COL11A1: variants seen among roughly 807,000 people sequenced by gnomAD.
COL11A1 encodes collagen alpha-1(XI) chain.
Under a neutral mutation model 265.2 loss-of-function variants are expected in COL11A1, and 74 were observed. The ratio of observed to expected loss-of-function variants is 0.28; its 90% CI spans 0.23 to 0.34. COL11A1 has a LOEUF of 0.34. Among genes scored for constraint, COL11A1 ranks in the 10% least tolerant of loss-of-function variants. The pLI is 1.00. For missense variants in COL11A1, 2,165 were observed against 2,263.6 expected (o/e 0.96, Z 0.88); for synonymous variants, 816 against 727.6 (o/e 1.12, Z -1.96).
chr1:103,065,544 A>G lies in COL11A1; in HGVS notation c.651+9074T>C, dbSNP rs1345300693. 1.3e-3 allele frequency among the ~76,000 whole-genome samples: 153 copies of G among 116,548 alleles called. 4 individuals are homozygous for G. In the East Asian group the frequency reaches 0.034, roughly 26 times the overall value. The allele number at this position is 116,548 out of a possible 152,430, so 76.5% of individuals were successfully genotyped here. ...TCTCAAAAAAAAAAAAAAAAAAAAA[A>G]AAAGAAAGCAAACAAACAAACAAAC... On this transcript the variant is annotated intron_variant, in intron 4 of 66. Transcript: ENST00000370096.
At chr1:102,923,312 C>G in intron 47 of COL11A1, 24 bp downstream of exon 47, 1 of 1,595,524 alleles carries the variant, frequency 6.3e-7, no homozygotes, top group Non-Finnish European at 8.6e-7. Context: ...ACATACCCAT[C>G]AAACACCAAA....
At position 102,974,846 on chromosome 1, in the gene COL11A1, C is replaced by T. The variant is rs1557891760; in HGVS notation, c.2792G>A (p.Gly931Glu). 6.2e-7 allele frequency: 1 copy of T among 1,613,474 alleles called. No homozygotes were observed. The highest frequency in any genetic ancestry group is 8.5e-7 in the Non-Finnish European group (1 of 1,179,624). Residue 931 changes from glycine (G) to glutamate (E), a missense_variant, in exon 36 of 67, where the codon GGA becomes GAA. Physicochemically the swap from Gly to Glu is moderately conservative, Grantham distance 98 (BLOSUM62 -2). Transcript: ENST00000370096. ...QGPQGPVGFP[G>E]PKGPPGPPGK... is the part of the protein sequence containing the mutation. ...GACACTTACAGGAGGGCCTTTTGGT[C>T]CAGGGAATCCAACTGGACCCTGAGG...
At chr1:102,935,201 A>C in intron 44 of COL11A1, 88 bp from the exon 45 acceptor site, 61 of 1,048,578 alleles carry the variant, frequency 5.8e-5, no homozygotes, top group Non-Finnish European at 7.6e-5. Context: ...TACCAAGATC[A>C]AACACTTCTG....
chr1:102,947,477 T>C (rs1659419823), intron 41 of COL11A1, among the ~76,000 whole-genome samples: 2 of 152,140 alleles, frequency 1.3e-5, no homozygotes, highest in African/African-American at 4.8e-5. Flanking sequence ...CAAAATAACA[T>C]TTGATAATCA....
chr1:103,024,642 C>A (rs1416829680), intron 7 of COL11A1, among the ~76,000 whole-genome samples: 1 of 151,800 alleles, frequency 6.6e-6, no homozygotes, highest in African/African-American at 2.4e-5. Context: ...GGTAAATGGA[C>A]ATCTTGAATC....
Position 102,928,694 on chromosome 1 carries a change from A to G in COL11A1, c.3601-5305T>C, listed in dbSNP as rs1656963154. ...CACTGACTTCGACAATGGTTGAACT[A>G]GTGTACAGTCCCACCAACAGTGTAA... On this transcript the variant is annotated intron_variant, in intron 46 of 66. Transcript: ENST00000370096. Among the ~76,000 whole-genome samples the G allele has an allele frequency of 2.0e-5, 3 of 148,116 alleles. No individual in the cohort carries two copies. In the East Asian group the frequency reaches 6.1e-4, roughly 30 times the overall value.
At chr1:103,050,014 T>A (rs1376036816) in intron 4 of COL11A1, among the ~76,000 whole-genome samples, 1 of 152,206 alleles carries the variant, frequency 6.6e-6, no homozygotes, top group Admixed American at 6.5e-5. Context: ...CCGACCTTTC[T>A]CTCTGGCTGC....
chr1:103,055,512 C>G (rs1670178710), intron 4 of COL11A1, among the ~76,000 whole-genome samples: 1 of 151,870 alleles, frequency 6.6e-6, no homozygotes, highest in Non-Finnish European at 1.5e-5. Context: ...AAAGAAGTTC[C>G]ACAGAGAAGA....
At position 102,961,896 on chromosome 1, in the gene COL11A1, C is replaced by G. The variant is rs771925794; in HGVS notation, c.3138G>C (p.Gly1046=). The change falls in exon 41 of 67, where the codon GGG becomes GGC. Residue 1046 remains glycine (G), a synonymous_variant. Coordinates refer to ENST00000370096, the MANE Select transcript of COL11A1 (RefSeq NM_001854.4). ...GAQGAPGLKG[G]EGPQGPPGPV... is the part of the protein sequence containing the mutation. Reference sequence around the variant, plus strand: ...GACCTGGTGGGCCCTGGGGACCTTCCCCTCCTTTCAGTCCAGGTGCACCCT... The same window carrying G: ...GACCTGGTGGGCCCTGGGGACCTTCGCCTCCTTTCAGTCCAGGTGCACCCT... 45 of 1,613,008 alleles carry G rather than the reference C, an allele frequency of 2.8e-5. No homozygotes were observed. The South Asian group carries it at 4.8e-4, about 17-fold the overall frequency.
intron 26 of COL11A1, 22 bp downstream of exon 26, chr1:102,997,058 A>C: frequency 6.2e-7 from 1 of 1,605,328 alleles, no homozygotes. Context: ...TAGGACATTT[A>C]AATGGATACT....
chr1:103,014,396 C>A (rs938190318), intron 13 of COL11A1, 115 bp downstream of exon 13: 65 of 894,346 alleles, frequency 7.3e-5, no homozygotes, highest in Non-Finnish European at 1.1e-4. Context: ...AAGTTTAACA[C>A]AGTATTCGGA....
At chr1:103,059,753 G>A (rs1212853771) in intron 4 of COL11A1, among the ~76,000 whole-genome samples, 1 of 152,106 alleles carries the variant, frequency 6.6e-6, no homozygotes, top group African/African-American at 2.4e-5. Flanking sequence ...GGGCTCATTA[G>A]TAAATTAGAC....
intron 46 of COL11A1, among the ~76,000 whole-genome samples, chr1:102,929,280 G>T (rs1025451607): frequency 2.0e-5 from 3 of 151,744 alleles, no homozygotes; most frequent in Non-Finnish European, 4.4e-5. Context: ...AAGGTGTAAG[G>T]AAGGGATCCA....
At chr1:102,982,571 A>T (rs1320392166) in intron 31 of COL11A1, among the ~76,000 whole-genome samples, 1 of 152,098 alleles carries the variant, frequency 6.6e-6, no homozygotes, top group East Asian at 1.9e-4. Context: ...AATGATAAAA[A>T]GTATTAATCA....
chr1:102,938,890 G>T, intron 44 of COL11A1, 145 bp downstream of exon 44: 1 of 674,780 alleles, frequency 1.5e-6, no homozygotes, highest in Non-Finnish European at 2.6e-6. Flanking sequence ...TAAAATTATA[G>T]AATGATATAA....
chr1:103,024,417 G>A (rs35192078), intron 7 of COL11A1, among the ~76,000 whole-genome samples: 12,044 of 152,140 alleles, frequency 0.079, 529 homozygotes, highest in Middle Eastern at 0.15. Context: ...AGATGATAGA[G>A]TAATATTAGA....
intron 4 of COL11A1, among the ~76,000 whole-genome samples, chr1:103,065,675 C>T (rs528903109): frequency 6.6e-6 from 1 of 151,420 alleles, no homozygotes; most frequent in African/African-American, 2.4e-5. Context: ...TATAACTCTC[C>T]TCCAAGAAGC....
chr1:103,007,981 A>T (rs11164655), intron 15 of COL11A1, among the ~76,000 whole-genome samples: 12,328 of 151,698 alleles, frequency 0.081, 574 homozygotes, highest in African/African-American at 0.13. Context: ...AACAGTACAA[A>T]TTTTTTTTTA....
At chr1:102,986,025 T>C (rs1663505251) in intron 30 of COL11A1, among the ~76,000 whole-genome samples, 1 of 152,142 alleles carries the variant, frequency 6.6e-6, no homozygotes, top group Admixed American at 6.6e-5. Flanking sequence ...AATTTTCTTT[T>C]TGACTATTCA....
Sources: gnomAD v4.1 joint callset for allele counts (sites outside exome capture counted in the v4.1 genomes callset) on GRCh38, gnomAD v4.1.1 for gene constraint, MANE v1.5 for transcripts, NCBI Gene and HGNC (gene_info 2026-07-23, HGNC 2026-07-21) for gene names.